PCDHGA2: variants seen among roughly 807,000 people sequenced by gnomAD.
PCDHGA2 encodes protocadherin gamma subfamily A, 2, also known as protocadherin gamma-A2.
PCDHGA2 carries 40 observed loss-of-function variants against 59.2 expected under a neutral mutation model. That is an observed-to-expected ratio of 0.68 (90% CI 0.52 to 0.88). The LOEUF (loss-of-function observed/expected upper bound fraction) is 0.88. Ranked by LOEUF, PCDHGA2 falls within the 40% of genes least tolerant of loss-of-function variation. The probability of loss-of-function intolerance (pLI) is 0.00; values close to 1 mark genes in which losing one functional copy is unlikely to be tolerated. For synonymous variants in PCDHGA2, 560 were observed against 526.0 expected (o/e 1.06, Z -0.89); for missense variants, 1,226 against 1,204.0 (o/e 1.02, Z -0.27).
In PCDHGA2 at chr5:141,486,017, A is replaced by G. The variant is rs746747518; in HGVS notation, c.2425-8790A>G. On this transcript the variant is annotated intron_variant, in intron 1 of 3. Transcript: ENST00000394576. The surrounding 1 kb of genome is among the most constrained non-coding windows in gnomAD (Gnocchi z 5.0). ...CAGTGGTAACGTCACCTTTTATTTC[A>G]GTGGTCATACCCCTGATCGTGTAAG... The G allele has an allele frequency of 6.2e-7, 1 of 1,614,176 alleles. No homozygotes were observed. The highest frequency in any genetic ancestry group is 1.7e-5 in the Admixed American group (1 of 60,026).
intron 2 of PCDHGA2, among the ~76,000 whole-genome samples, chr5:141,495,094 C>T (rs1470702358): frequency 6.6e-6 from 1 of 152,156 alleles, no homozygotes; most frequent in African/African-American, 2.4e-5. Flanking sequence ...CTTCCCTCCT[C>T]GCCACGACCG....
At chr5:141,350,351 A>T (rs773201004) in intron 1 of PCDHGA2, 16 of 1,561,252 alleles carry the variant, frequency 1.0e-5, no homozygotes, top group Non-Finnish European at 1.3e-5. Flanking sequence ...CTCCCAGCAG[A>T]TCCGATACAC....
intron 1 of PCDHGA2, among the ~76,000 whole-genome samples, chr5:141,349,445 T>TA (rs1758295156): frequency 6.6e-6 from 1 of 152,292 alleles, no homozygotes; most frequent in African/African-American, 2.4e-5. Flanking sequence ...TTCCACTTCA[T>TA]AAAAGCATGT....
Position 141,432,148 on chromosome 5 carries a change from G to C in PCDHGA2, c.2425-62659G>C. ...CCTCCTATTCCGCTTATATCCCAGA[G>C]AACAATCCCAGAGGAGTTTCCCTCG... On this transcript the variant is annotated intron_variant, in intron 1 of 3. Coordinates refer to ENST00000394576, the MANE Select transcript of PCDHGA2 (RefSeq NM_018915.4). The surrounding 1 kb of genome is among the most constrained non-coding windows in gnomAD (Gnocchi z 6.0). 6.2e-7 allele frequency: 1 copy of C among 1,614,002 alleles called. No individual in the cohort carries two copies. Among genetic ancestry groups the C allele is most frequent in the East Asian group, 2.2e-5 (1 of 44,876 alleles).
chr5:141,505,523 G>A, intron 3 of PCDHGA2, 42 bp downstream of exon 3: 1 of 1,612,760 alleles, frequency 6.2e-7, no homozygotes, highest in Middle Eastern at 1.7e-4. Flanking sequence ...GGGAGACCTG[G>A]GGTTCTGGGG....
At chr5:141,492,191 G>A (rs996614987) in intron 1 of PCDHGA2, among the ~76,000 whole-genome samples, 1 of 152,204 alleles carries the variant, frequency 6.6e-6, no homozygotes, top group African/African-American at 2.4e-5. Context: ...ACCTGTCTGC[G>A]GGACTTAGGT....
At chr5:141,361,325 C>T (rs1388509991) in intron 1 of PCDHGA2, 9 of 1,613,940 alleles carry the variant, frequency 5.6e-6, no homozygotes, top group Non-Finnish European at 7.6e-6. Flanking sequence ...TTGAAATCTT[C>T]CTCAAAGAAC....
intron 1 of PCDHGA2, chr5:141,390,018 C>A: frequency 2.5e-6 from 4 of 1,614,062 alleles, no homozygotes; most frequent in Non-Finnish European, 3.4e-6. Context: ...CATTGCCTTG[C>A]GCCTGCGACG....
intron 1 of PCDHGA2, chr5:141,357,547 G>T (rs763777724): frequency 2.4e-5 from 38 of 1,614,096 alleles, no homozygotes; most frequent in South Asian, 2.2e-4. Context: ...CATCAGCCGG[G>T]AGAGTTGTGA....
At chr5:141,417,648 T>A in intron 1 of PCDHGA2, 5 of 818,672 alleles carry the variant, frequency 6.1e-6, no homozygotes, top group Non-Finnish European at 9.1e-6. Flanking sequence ...TCCCTCAGCC[T>A]CTAGCCTGGG....
intron 1 of PCDHGA2, chr5:141,389,406 G>A (rs1235613335): frequency 1.9e-6 from 3 of 1,613,632 alleles, no homozygotes; most frequent in South Asian, 2.2e-5. Flanking sequence ...CATAAGCGCG[G>A]AGAGCGGGGT....
At chr5:141,430,986 C>G (rs549700048) in intron 1 of PCDHGA2, 1 of 1,613,762 alleles carries the variant, frequency 6.2e-7, no homozygotes, top group African/African-American at 1.3e-5. Context: ...CAGCTTTTCG[C>G]CCTGAATCCG....
chr5:141,473,148 C>T (rs1381616255), intron 1 of PCDHGA2, among the ~76,000 whole-genome samples: 1 of 152,184 alleles, frequency 6.6e-6, no homozygotes, highest in Non-Finnish European at 1.5e-5. Flanking sequence ...CTCTTCAGAT[C>T]ACTAGGGCTA....
chr5:141,344,859 C>T, intron 1 of PCDHGA2: 8 of 1,613,906 alleles, frequency 5.0e-6, no homozygotes, highest in Non-Finnish European at 6.8e-6. Flanking sequence ...ATTCAATGCT[C>T]AAGTGTCTTA....
At chr5:141,360,207 G>C in intron 1 of PCDHGA2, 1 of 1,613,064 alleles carries the variant, frequency 6.2e-7, no homozygotes, top group Non-Finnish European at 8.5e-7. Flanking sequence ...TGTTGTCTTT[G>C]TTCCCCGGGG....
At chr5:141,415,740 G>GTTTTTTTTTTTTTTTTTTGTTTTTTTTT in intron 1 of PCDHGA2, 1 of 617,992 alleles carries the variant, frequency 1.6e-6, no homozygotes, top group Non-Finnish European at 2.1e-6. Flanking sequence ...GTTTATTAAG[G>GTTTTTTTTTTTTTTTTTTGTTTTTTTTT]TTTTTTTTTT....
At chr5:141,408,313 T>A (rs375849626) in intron 1 of PCDHGA2, 28 of 1,613,640 alleles carry the variant, frequency 1.7e-5, no homozygotes, top group Non-Finnish European at 2.0e-5. Flanking sequence ...GCTACTCGAT[T>A]CCGGAGGAGC....
At chr5:141,345,102 C>T (rs749309525) in intron 1 of PCDHGA2, 11 of 1,613,708 alleles carry the variant, frequency 6.8e-6, no homozygotes, top group Middle Eastern at 1.6e-4. Flanking sequence ...AAGCTCAGTC[C>T]CAGAAGAGGG....
rs1481171398 is a variant in PCDHGA2 at position 141,455,879 on chromosome 5, ATTT to A, written c.2425-38927_2425-38925del. 3.8e-4 allele frequency among the ~76,000 whole-genome samples: 56 copies of A among 147,786 alleles called. No individual in the cohort carries two copies. In the East Asian group the frequency reaches 8.9e-3, roughly 23 times the overall value. On this transcript the variant is annotated intron_variant, in intron 1 of 3. Coordinates refer to ENST00000394576, the MANE Select transcript of PCDHGA2 (RefSeq NM_018915.4). ...TCTTTTATTATTTATTTATTTATTTATTTATTTATTTATTTATTTATTTATTTA... is the reference window on the plus strand; with the variant it reads ...TCTTTTATTATTTATTTATTTATTTAATTTATTTATTTATTTATTTATTTA...
Sources: gnomAD v4.1 joint callset for allele counts (sites outside exome capture counted in the v4.1 genomes callset) on GRCh38, gnomAD v4.1.1 for gene constraint, Gnocchi (gnomAD v3.1) non-coding constraint, MANE v1.5 for transcripts, NCBI Gene and HGNC (gene_info 2026-07-23, HGNC 2026-07-21) for gene names.